The following TMEM170A variants were observed in gnomAD, a reference collection of about 807,000 sequenced individuals.
TMEM170A encodes transmembrane protein 170A.
Under a neutral mutation model 12.8 loss-of-function variants are expected in TMEM170A, and 18 were observed. The ratio of observed to expected loss-of-function variants is 1.41; its 90% CI spans 0.97 to 2.09. The LOEUF (loss-of-function observed/expected upper bound fraction) is 2.09, where lower values mean the gene tolerates loss of function less well. Among genes scored for constraint, TMEM170A ranks in the 30% most tolerant of loss-of-function variants. The pLI is 0.00. For missense variants in TMEM170A, 220 were observed against 179.9 expected, an observed-to-expected ratio of 1.22 and a Z score of -1.28; for synonymous variants, 107 against 76.2, an observed-to-expected ratio of 1.40 and a Z score of -2.11.
intron 1 of TMEM170A, among the ~76,000 whole-genome samples, chr16:75,462,334 C>G (rs1162028233): frequency 1.3e-5 from 2 of 152,228 alleles, no homozygotes; most frequent in Non-Finnish European, 2.9e-5. Flanking sequence ...ATTCTCGTGC[C>G]TCAGCCTCCC....
In TMEM170A at chr16:75,445,844, G is replaced by T. The variant is rs1183984881; in HGVS notation, c.*1714C>A. 2 of 151,936 alleles carry T rather than the reference G, an allele frequency of 1.3e-5. No homozygotes were observed. The highest frequency in any genetic ancestry group is 4.8e-5 in the African/African-American group (2 of 41,338). 9.4% of individuals were successfully genotyped at this position (151,936 alleles called of 1,614,324 possible). ...TCATGTGTATATGACCTCATGGGCTGTTAAGCCTTAATCTCACAATGAAAA... is the reference window on the plus strand; with the variant it reads ...TCATGTGTATATGACCTCATGGGCTTTTAAGCCTTAATCTCACAATGAAAA... On this transcript the variant is annotated 3_prime_UTR_variant, in exon 3 of 3. Transcript: ENST00000561878.
intron 1 of TMEM170A, chr16:75,464,198 G>A (rs535605571): frequency 4.6e-5 from 69 of 1,503,002 alleles, no homozygotes; most frequent in Admixed American, 3.5e-4. Context: ...ACCCGCTCGG[G>A]TGGCGGCCGA....
Position 75,447,308 on chromosome 16 carries a change from T to C in TMEM170A, c.*250A>G. On this transcript the variant is annotated 3_prime_UTR_variant, in exon 3 of 3. Transcript: ENST00000561878. ...CTTGGGTAAAGGTACACATGAAAAC[T>C]GCTTAAATCAAATATCTACAAAAAA... 3.4e-6 allele frequency: 1 copy of C among 295,016 alleles called. No homozygotes were observed. Among genetic ancestry groups the C allele is most frequent in the South Asian group, 1.3e-4 (1 of 7,760 alleles). 18.3% of individuals were successfully genotyped at this position (295,016 alleles called of 1,614,324 possible). A position where few individuals can be genotyped will look rare whatever the true frequency, so the allele number is the denominator to read the frequency against.
intron 2 of TMEM170A, 114 bp downstream of exon 2, chr16:75,451,555 G>T: frequency 8.9e-7 from 1 of 1,121,238 alleles, no homozygotes; most frequent in Non-Finnish European, 1.3e-6. Context: ...GTCTGGACTT[G>T]CAGTTAAAAG....
intron 1 of TMEM170A, among the ~76,000 whole-genome samples, chr16:75,452,264 C>T (rs1397593440): frequency 2.0e-5 from 3 of 151,238 alleles, no homozygotes; most frequent in East Asian, 3.9e-4. Flanking sequence ...GCCACCGCGC[C>T]CAGTCAAAAA....
chr16:75,461,550 A>T (rs2079909081), intron 1 of TMEM170A, among the ~76,000 whole-genome samples: 1 of 152,264 alleles, frequency 6.6e-6, no homozygotes, highest in Non-Finnish European at 1.5e-5. Context: ...ATATCAATAC[A>T]ACAGATTCAG....
intron 2 of TMEM170A, 137 bp from the exon 3 acceptor site, chr16:75,447,825 T>G: frequency 9.2e-7 from 1 of 1,082,802 alleles, no homozygotes; most frequent in South Asian, 1.7e-5. Flanking sequence ...ACAGAAATGT[T>G]AGGTTTTCCC....
At chr16:75,457,291 C>G (rs767261697) in intron 1 of TMEM170A, among the ~76,000 whole-genome samples, 1 of 152,172 alleles carries the variant, frequency 6.6e-6, no homozygotes, top group East Asian at 1.9e-4. Flanking sequence ...CAGAAACACA[C>G]GAAGCTGGTA....
rs1210743292 is a variant in TMEM170A at position 75,451,853 on chromosome 16, CAAAG to C, written c.134-18_134-15del. The C allele has an allele frequency of 3.8e-6, 6 of 1,598,614 alleles. No homozygotes were observed. Among genetic ancestry groups the C allele is most frequent in the Middle Eastern group, 1.7e-4 (1 of 6,056 alleles). On this transcript the variant is annotated splice_polypyrimidine_tract_variant and intron_variant, in intron 1 of 2. Coordinates refer to ENST00000561878, the MANE Select transcript of TMEM170A (RefSeq NM_145254.3). ...CATACCACATCTCTATGAGGGAAGA[CAAAG>C]AAAAGTTGTGAATCACTGCCCTTCC...
At chr16:75,454,119 C>A (rs1000976576) in intron 1 of TMEM170A, among the ~76,000 whole-genome samples, 12 of 152,196 alleles carry the variant, frequency 7.9e-5, no homozygotes, top group Admixed American at 7.9e-4. Flanking sequence ...CACCGCCCTC[C>A]GCCCTATTGA....
chr16:75,460,698 G>A (rs2079887806), intron 1 of TMEM170A, among the ~76,000 whole-genome samples: 3 of 152,162 alleles, frequency 2.0e-5, no homozygotes, highest in Admixed American at 1.3e-4. Flanking sequence ...CCATTGGAAT[G>A]AAAGTTCCAC....
chr16:75,455,399 G>A (rs903456655), intron 1 of TMEM170A, among the ~76,000 whole-genome samples: 3 of 151,070 alleles, frequency 2.0e-5, no homozygotes, highest in Non-Finnish European at 4.4e-5. Context: ...TATACTGAAG[G>A]GGCAAGATGC....
intron 2 of TMEM170A, among the ~76,000 whole-genome samples, chr16:75,450,723 C>T (rs1482065191): frequency 1.3e-5 from 2 of 152,118 alleles, no homozygotes; most frequent in African/African-American, 4.8e-5. Context: ...GGTGTGATCA[C>T]GACTCACTGC....
At position 75,451,823 on chromosome 16, in the gene TMEM170A, T is replaced by C. The variant is rs1416514254; in HGVS notation, c.150A>G (p.Val50=). ...LCSFPEMWYG[V]FLWALVSSLF... ...GAGAAGACACCAGTGCCCACAGGAA[T>C]ACACCATACCACATCTCTATGAGGG... Residue 50 remains valine, a synonymous_variant, in exon 2 of 3, where the codon GTA becomes GTG. Transcript: ENST00000561878. 2 of 1,612,796 alleles carry C rather than the reference T, an allele frequency of 1.2e-6. No individual in the cohort carries two copies. Among genetic ancestry groups the C allele is most frequent in the Admixed American group, 1.7e-5 (1 of 59,740 alleles).
intron 2 of TMEM170A, among the ~76,000 whole-genome samples, chr16:75,450,549 A>C (rs1463577822): frequency 6.6e-6 from 1 of 152,236 alleles, no homozygotes; most frequent in African/African-American, 2.4e-5. Flanking sequence ...CAAACGCCCC[A>C]AAAACAAGCC....
rs1197359972 is a variant in TMEM170A at position 75,446,261 on chromosome 16, T to G, written c.*1297A>C. On this transcript the variant is annotated 3_prime_UTR_variant, in exon 3 of 3. Coordinates refer to ENST00000561878, the MANE Select transcript of TMEM170A (RefSeq NM_145254.3). The stretch of plus-strand genomic sequence containing the variant: ...CCACCACCACTACCACCACACTGAT[T>G]GTATTCCATACAAAACAGTTTAGGT... 1 of 152,138 alleles carries G rather than the reference T, an allele frequency of 6.6e-6. No homozygotes were observed. The highest frequency in any genetic ancestry group is 6.6e-5 in the Admixed American group (1 of 15,256). 9.4% of individuals were successfully genotyped at this position (152,138 alleles called of 1,614,324 possible). A position where few individuals can be genotyped will look rare whatever the true frequency, so the allele number is the denominator to read the frequency against.
At chr16:75,459,539 G>A (rs2079863529) in intron 1 of TMEM170A, among the ~76,000 whole-genome samples, 1 of 152,146 alleles carries the variant, frequency 6.6e-6, no homozygotes, top group African/African-American at 2.4e-5. Context: ...CAGACCACAT[G>A]AGTCCTCCTG....
intron 1 of TMEM170A, among the ~76,000 whole-genome samples, chr16:75,463,273 G>A (rs1291995123): frequency 2.6e-5 from 4 of 151,934 alleles, no homozygotes; most frequent in African/African-American, 9.7e-5. Context: ...TATCACACAG[G>A]GTCACCAGAA....
At chr16:75,460,599 C>T (rs557630879) in intron 1 of TMEM170A, among the ~76,000 whole-genome samples, 3 of 152,304 alleles carry the variant, frequency 2.0e-5, no homozygotes, top group African/African-American at 7.2e-5. Context: ...CTCCCCATCA[C>T]TTTACAGCAA....
Sources: gnomAD v4.1 joint callset for allele counts (sites outside exome capture counted in the v4.1 genomes callset) on GRCh38, gnomAD v4.1.1 for gene constraint, MANE v1.5 for transcripts, NCBI Gene and HGNC (gene_info 2026-07-23, HGNC 2026-07-21) for gene names.